Variants in ALCAM observed in about 807,000 individuals in gnomAD.
ALCAM encodes the protein activated leukocyte cell adhesion molecule, also known as CD166 antigen.
Under a neutral mutation model 70.9 loss-of-function variants are expected in ALCAM, and 30 were observed. The observed-to-expected ratio is 0.42, with a 90% CI of 0.32 to 0.57. The LOEUF (loss-of-function observed/expected upper bound fraction) is 0.57, where lower values mean the gene tolerates loss of function less well. Ranked by LOEUF, ALCAM falls within the 20% of genes least tolerant of loss-of-function variation. The pLI, the probability that ALCAM is intolerant of heterozygous loss-of-function variation, is 0.11. For missense variants in ALCAM, 591 were observed against 695.1 expected, an observed-to-expected ratio of 0.85 and a Z score of 1.68; for synonymous variants, 249 against 242.5, an observed-to-expected ratio of 1.03 and a Z score of -0.25.
chr3:105,404,030 C>CA (rs1446183841), intron 1 of ALCAM, among the ~76,000 whole-genome samples: 3 of 150,882 alleles, frequency 2.0e-5, no homozygotes, highest in Non-Finnish European at 3.0e-5. Flanking sequence ...CCCAATCTGT[C>CA]AAAAACAAAG....
At chr3:105,505,736 A>T (rs1030215958) in intron 1 of ALCAM, among the ~76,000 whole-genome samples, 1 of 152,226 alleles carries the variant, frequency 6.6e-6, no homozygotes, top group East Asian at 1.9e-4. Context: ...GTAATAAATA[A>T]CTTATTAAAT....
At chr3:105,482,903 C>T (rs1439155288) in intron 1 of ALCAM, among the ~76,000 whole-genome samples, 1 of 152,026 alleles carries the variant, frequency 6.6e-6, no homozygotes, top group Non-Finnish European at 1.5e-5. Context: ...TACCCAAGAA[C>T]ATGTAAGTAG....
Position 105,463,419 on chromosome 3 carries a change from A to G in ALCAM, c.74-56648A>G, listed in dbSNP as rs554872901. Among the ~76,000 whole-genome samples the G allele has an allele frequency of 2.0e-5, 3 of 151,520 alleles. No individual in the cohort carries two copies. The Admixed American group carries it at 2.0e-4, about 10-fold the overall frequency. On this transcript the variant is annotated intron_variant, in intron 1 of 15. Coordinates refer to ENST00000306107, the MANE Select transcript of ALCAM (RefSeq NM_001627.4). ...AGTAAACTTTAGTCTATAGACTAAG[A>G]AGTCAAAAGTTATAGCTACCTTTAA... is the stretch of plus-strand genomic sequence containing the variant.
chr3:105,562,703 C>T (rs954616651), intron 14 of ALCAM, among the ~76,000 whole-genome samples: 40 of 152,090 alleles, frequency 2.6e-4, no homozygotes, highest in African/African-American at 8.4e-4. Flanking sequence ...TTTGTTAATT[C>T]GTTAAATATT....
At chr3:105,511,565 T>G (rs1939237410) in intron 1 of ALCAM, among the ~76,000 whole-genome samples, 1 of 151,990 alleles carries the variant, frequency 6.6e-6, no homozygotes, top group Non-Finnish European at 1.5e-5. Flanking sequence ...CAGGGAGCTG[T>G]CAATTAAAAG....
chr3:105,491,081 C>T (rs116108595), intron 1 of ALCAM, among the ~76,000 whole-genome samples: 141 of 152,334 alleles, frequency 9.3e-4, no homozygotes, highest in Non-Finnish European at 1.8e-3. Flanking sequence ...CCAAACCTCA[C>T]GTCTTGACTT....
intron 1 of ALCAM, among the ~76,000 whole-genome samples, chr3:105,397,947 G>A (rs755418069): frequency 1.3e-5 from 2 of 152,070 alleles, no homozygotes; most frequent in Non-Finnish European, 2.9e-5. Context: ...TAGCTACTGT[G>A]TTAAGTTGGA....
intron 1 of ALCAM, chr3:105,513,492 C>T (rs529499201): frequency 6.6e-6 from 1 of 151,928 alleles, no homozygotes; most frequent in East Asian, 1.9e-4. Context: ...TCTCAAATCA[C>T]CACAGTGCTC....
chr3:105,486,627 T>G (rs536223632), intron 1 of ALCAM, among the ~76,000 whole-genome samples: 1 of 152,208 alleles, frequency 6.6e-6, no homozygotes, highest in South Asian at 2.1e-4. Context: ...CAAGCATGCA[T>G]CCATTATAAT....
intron 2 of ALCAM, among the ~76,000 whole-genome samples, chr3:105,522,598 C>T (rs1371752306): frequency 6.6e-6 from 1 of 152,124 alleles, no homozygotes; most frequent in Non-Finnish European, 1.5e-5. Context: ...CTCCTGACAC[C>T]TCCTCACCAT....
chr3:105,457,639 G>A (rs922157391), intron 1 of ALCAM, among the ~76,000 whole-genome samples: 1 of 152,036 alleles, frequency 6.6e-6, no homozygotes, highest in African/African-American at 2.4e-5. Context: ...GACGAAGCTG[G>A]GGACGATATT....
rs192642590 is a variant in ALCAM at position 105,448,730 on chromosome 3, G to A, written c.74-71337G>A. Among the ~76,000 whole-genome samples the A allele has an allele frequency of 8.5e-5, 13 of 152,234 alleles. No individual in the cohort carries two copies. The East Asian group carries it at 2.3e-3, about 27-fold the overall frequency. Reference sequence around the variant, plus strand: ...CAATGTTTCTTATCTCTGAGATTTCGTGCCCTTCCCCCATGAAGCTATGCT... The same window carrying A: ...CAATGTTTCTTATCTCTGAGATTTCATGCCCTTCCCCCATGAAGCTATGCT... On this transcript the variant is annotated intron_variant, in intron 1 of 15. Coordinates refer to ENST00000306107, the MANE Select transcript of ALCAM (RefSeq NM_001627.4).
At chr3:105,367,568 C>A in intron 1 of ALCAM, 87 bp downstream of exon 1, 1 of 1,499,064 alleles carries the variant, frequency 6.7e-7, no homozygotes. Flanking sequence ...ACCCCCGAGG[C>A]AGTGCGCCCA....
At chr3:105,396,859 G>T (rs1271469201) in intron 1 of ALCAM, among the ~76,000 whole-genome samples, 1 of 152,038 alleles carries the variant, frequency 6.6e-6, no homozygotes, top group Non-Finnish European at 1.5e-5. Context: ...TAGCATGTGA[G>T]ATAGTAATTT....
At chr3:105,505,341 G>A (rs1939042892) in intron 1 of ALCAM, among the ~76,000 whole-genome samples, 1 of 152,108 alleles carries the variant, frequency 6.6e-6, no homozygotes, top group Non-Finnish European at 1.5e-5. Flanking sequence ...CATCTTACAT[G>A]GCCAGAGAAG....
intron 1 of ALCAM, among the ~76,000 whole-genome samples, chr3:105,374,313 T>C (rs1935320389): frequency 6.6e-6 from 1 of 152,022 alleles, no homozygotes; most frequent in Non-Finnish European, 1.5e-5. Context: ...CCTAGCACTT[T>C]GGGAGGCCGA....
At chr3:105,536,131 T>G (rs1220412752) in intron 6 of ALCAM, among the ~76,000 whole-genome samples, 3 of 151,686 alleles carry the variant, frequency 2.0e-5, no homozygotes, top group Non-Finnish European at 4.4e-5. Flanking sequence ...TCTCACTCTG[T>G]TGCCCAGGCC....
intron 1 of ALCAM, among the ~76,000 whole-genome samples, chr3:105,477,788 A>G (rs921045481): frequency 1.3e-5 from 2 of 151,812 alleles, no homozygotes; most frequent in African/African-American, 2.4e-5. Flanking sequence ...TCCACTTTTT[A>G]TATGTAATAT....
At chr3:105,512,532 A>G (rs1371430351) in intron 1 of ALCAM, among the ~76,000 whole-genome samples, 1 of 151,948 alleles carries the variant, frequency 6.6e-6, no homozygotes, top group African/African-American at 2.4e-5. Flanking sequence ...GAAAATGTAC[A>G]GAGCAATAGA....
Sources: allele counts gnomAD v4.1 joint callset (sites outside exome capture counted in the v4.1 genomes callset), GRCh38; gene constraint gnomAD v4.1.1; transcripts MANE v1.5; gene names NCBI Gene and HGNC (gene_info 2026-07-23, HGNC 2026-07-21).